Variants in KIR2DL1 observed in about 807,000 individuals in gnomAD.
KIR2DL1 encodes killer cell immunoglobulin like receptor, two Ig domains and long cytoplasmic tail 1.
In KIR2DL1, 38 loss-of-function variants were observed where a neutral mutation model predicts 33.9. The observed-to-expected ratio is 1.12, with a 90% CI of 0.86 to 1.47. The LOEUF (loss-of-function observed/expected upper bound fraction) is 1.47. Ranked by LOEUF, KIR2DL1 falls within the 40% of genes most tolerant of loss-of-function variation. The probability of loss-of-function intolerance (pLI) is 0.00; values close to 1 mark genes in which losing one functional copy is unlikely to be tolerated. For missense variants in KIR2DL1, 531 were observed against 433.9 expected, an observed-to-expected ratio of 1.22 and a Z score of -1.99; for synonymous variants, 179 against 165.9, an observed-to-expected ratio of 1.08 and a Z score of -0.61.
Position 54,775,105 on chromosome 19 carries a change from G to T in KIR2DL1, c.371-60G>T, listed in dbSNP as rs567259893. The T allele has an allele frequency of 2.1e-5, 32 of 1,510,034 alleles. 1 individual carries two copies. In the African/African-American group the frequency reaches 4.5e-4, roughly 21 times the overall value. 93.5% of individuals were successfully genotyped at this position (1,510,034 alleles called of 1,614,324 possible). A position where few individuals can be genotyped will look rare whatever the true frequency, so the allele number is the denominator to read the frequency against. On this transcript the variant is annotated intron_variant, in intron 3 of 7. Coordinates refer to ENST00000336077, the MANE Select transcript of KIR2DL1 (RefSeq NM_014218.3). The stretch of plus-strand genomic sequence containing the variant: ...AACAGGGGAGTGAGTTCTCAGCTCA[G>T]GTGAAGGGAGCTGTGACAAAGAAGA...
chr19:54,775,833 C>G (rs1288876092), intron 4 of KIR2DL1, among the ~76,000 whole-genome samples: 3 of 149,012 alleles, frequency 2.0e-5, no homozygotes, highest in African/African-American at 7.3e-5. Context: ...ACCCCTACAC[C>G]CTTTACTTTT....
At chr19:54,780,881 C>T (rs1373483879) in intron 5 of KIR2DL1, among the ~76,000 whole-genome samples, 5 of 107,334 alleles carry the variant, frequency 4.7e-5, no homozygotes, top group East Asian at 2.3e-4. Context: ...CTTATTATAG[C>T]ATAATATACA....
chr19:54,776,865 C>T (rs2076409544), intron 4 of KIR2DL1, among the ~76,000 whole-genome samples: 1 of 147,686 alleles, frequency 6.8e-6, no homozygotes, highest in Non-Finnish European at 1.5e-5. Flanking sequence ...TGCTCTCAAA[C>T]TCATGACCTC....
At chr19:54,782,657 C>A (rs1455982067) in intron 5 of KIR2DL1, among the ~76,000 whole-genome samples, 2 of 152,088 alleles carry the variant, frequency 1.3e-5, no homozygotes, top group East Asian at 3.9e-4. Context: ...TCAAGAGGCC[C>A]AACCTCCCAC....
chr19:54,769,886 T>A lies in KIR2DL1; in HGVS notation c.34+2T>A, dbSNP rs1241641432. ...TGGTCGTCAGCATGGCGTGTGTTGG[T>A]GAGTCCTGGAAAGCAATAGAGGGAG... On this transcript the variant is annotated splice_donor_variant, in intron 1 of 7. Transcript: ENST00000336077. LOFTEE classifies it high-confidence loss of function. 2 of 1,567,950 alleles carry A rather than the reference T, an allele frequency of 1.3e-6. 1 individual carries two copies. Among genetic ancestry groups the A allele is most frequent in the Non-Finnish European group, 1.7e-6 (2 of 1,146,064 alleles).
chr19:54,773,282 G>C lies in KIR2DL1; in HGVS notation c.71-51G>C, dbSNP rs769165158. ...AGCCTGACTCAATCCAGGTGCCATG[G>C]ATGGGATGATAAAGAGAGACACCTT... On this transcript the variant is annotated intron_variant, in intron 2 of 7. Coordinates refer to ENST00000336077, the MANE Select transcript of KIR2DL1 (RefSeq NM_014218.3). 50 of 1,526,962 alleles carry C rather than the reference G, an allele frequency of 3.3e-5. 4 individuals carry two copies. The highest frequency in any genetic ancestry group is 5.5e-5 in the African/African-American group (4 of 72,082). The allele number at this position is 1,526,962 out of a possible 1,614,324, so 94.6% of individuals were successfully genotyped here. A position where few individuals can be genotyped will look rare whatever the true frequency, so the allele number is the denominator to read the frequency against.
chr19:54,782,142 G>A (rs1039501058), intron 5 of KIR2DL1, among the ~76,000 whole-genome samples: 1 of 152,112 alleles, frequency 6.6e-6, no homozygotes, highest in East Asian at 1.9e-4. Flanking sequence ...GCTGCGGGAA[G>A]CCAGAAAGCA....
intron 3 of KIR2DL1, among the ~76,000 whole-genome samples, chr19:54,774,437 G>T (rs1178789052): frequency 3.4e-5 from 5 of 148,362 alleles, no homozygotes; most frequent in Non-Finnish European, 4.5e-5. Flanking sequence ...GAAAGATGGA[G>T]ATGTGGGGAT....
rs549834429 is a variant in KIR2DL1, at chr19:54,783,413, G to A, written c.818-73G>A. Reference sequence around the variant, plus strand: ...AGCCACCTATGGTCTCCCCCTGTATGTTGGTATCTGCTTATGAAATGAGGA... The same window carrying A: ...AGCCACCTATGGTCTCCCCCTGTATATTGGTATCTGCTTATGAAATGAGGA... On this transcript the variant is annotated intron_variant, in intron 6 of 7. Transcript: ENST00000336077. 124 of 1,546,030 alleles carry A rather than the reference G, an allele frequency of 8.0e-5. No individual in the cohort carries two copies. The East Asian group carries it at 2.4e-3, about 29-fold the overall frequency.
At position 54,783,508 on chromosome 19, in the gene KIR2DL1, G is replaced by C. The variant is rs543286356; in HGVS notation, c.840G>C (p.Glu280Asp). The C allele has an allele frequency of 6.2e-7, 1 of 1,613,688 alleles. No homozygotes were observed. Among genetic ancestry groups the C allele is most frequent in the African/African-American group, 1.3e-5 (1 of 74,960 alleles). ...CAGATGCTGCGGTAATGGACCAAGA[G>C]TCTGCAGGAAACAGAACAGCGAATA... ...NKKNAAVMDQ[E>D]SAGNRTANSE... Residue 280 changes from glutamate to aspartate, a missense_variant, in exon 7 of 8, where the codon GAG (glutamate) becomes GAC (aspartate). Glu to Asp is a conservative substitution (Grantham distance 45). Coordinates refer to ENST00000336077, the MANE Select transcript of KIR2DL1 (RefSeq NM_014218.3).
intron 5 of KIR2DL1, 147 bp downstream of exon 5, chr19:54,778,809 G>A (rs1261421269): frequency 2.8e-6 from 3 of 1,089,442 alleles, no homozygotes; most frequent in African/African-American, 1.6e-5. Flanking sequence ...TACAGCGAAA[G>A]GGATCTGGGC....
In KIR2DL1 at chr19:54,769,831, C is replaced by T. The variant is rs760980741; in HGVS notation, c.-20C>T. The T allele has an allele frequency of 6.4e-7, 1 of 1,569,176 alleles. No individual in the cohort carries two copies. Among genetic ancestry groups the T allele is most frequent in the South Asian group, 1.1e-5 (1 of 89,332 alleles). ...CTGAGCTGAGCTCGGTCGCGGCTGC[C>T]TGTCTGCTCCGGCAGCACCATGTCG... On this transcript the variant is annotated 5_prime_UTR_variant, in exon 1 of 8. Transcript: ENST00000336077.
chr19:54,776,771 G>T (rs1232144378), intron 4 of KIR2DL1, among the ~76,000 whole-genome samples: 1 of 146,208 alleles, frequency 6.8e-6, no homozygotes, highest in Non-Finnish European at 1.5e-5. Flanking sequence ...CTCCCTAGTA[G>T]CTGGGATTAC....
At chr19:54,774,252 G>C (rs2076079339) in intron 3 of KIR2DL1, among the ~76,000 whole-genome samples, 1 of 148,336 alleles carries the variant, frequency 6.7e-6, no homozygotes, top group South Asian at 2.1e-4. Context: ...AGAGAAATCA[G>C]GGACACCAAA....
intron 6 of KIR2DL1, 39 bp downstream of exon 6, chr19:54,783,062 A>G: frequency 1.3e-6 from 2 of 1,596,886 alleles, no homozygotes; most frequent in Admixed American, 1.7e-5. Flanking sequence ...GCTCAGGGCC[A>G]TGTGGGGAAG....
chr19:54,784,246 CA>C lies in KIR2DL1; in HGVS notation c.*434del. ...CTCAGACTAGCTTTCAGTCTTCTGTCAGCAGTAAAACTTATATATTTTTTAA... is the reference window on the plus strand; with the variant it reads ...CTCAGACTAGCTTTCAGTCTTCTGTCGCAGTAAAACTTATATATTTTTTAA... On this transcript the variant is annotated 3_prime_UTR_variant, in exon 8 of 8. Transcript: ENST00000336077. 1 of 294,474 alleles carries C rather than the reference CA, an allele frequency of 3.4e-6. No individual in the cohort carries two copies. The allele number at this position is 294,474 out of a possible 1,614,324, so 18.2% of individuals were successfully genotyped here. A position where few individuals can be genotyped will look rare whatever the true frequency, so the allele number is the denominator to read the frequency against.
chr19:54,774,783 T>C (rs1365672909), intron 3 of KIR2DL1, among the ~76,000 whole-genome samples: 8 of 147,980 alleles, frequency 5.4e-5, no homozygotes, highest in African/African-American at 1.7e-4. Flanking sequence ...AGGTAGAGAA[T>C]TTGTAGATAG....
chr19:54,783,842 T>G lies in KIR2DL1; in HGVS notation c.*29T>G. The stretch of plus-strand genomic sequence containing the variant: ...CCACAGTCAGGCCTTGAGGGCGTCT[T>G]CTAGGGAGACAACAGCCCTGTCTCA... On this transcript the variant is annotated 3_prime_UTR_variant, in exon 8 of 8. Transcript: ENST00000336077. 3.1e-6 allele frequency: 5 copies of G among 1,613,846 alleles called. No individual in the cohort carries two copies. The highest frequency in any genetic ancestry group is 4.2e-6 in the Non-Finnish European group (5 of 1,179,880).
At chr19:54,771,999 TG>T (rs1281785613) in intron 2 of KIR2DL1, among the ~76,000 whole-genome samples, 1 of 147,836 alleles carries the variant, frequency 6.8e-6, no homozygotes, top group African/African-American at 2.5e-5. Flanking sequence ...TGACTGTATT[TG>T]GGGTAAAGGG....
Sources: allele counts gnomAD v4.1 joint callset (sites outside exome capture counted in the v4.1 genomes callset), GRCh38; gene constraint gnomAD v4.1.1; transcripts MANE v1.5; gene names NCBI Gene and HGNC (gene_info 2026-07-23, HGNC 2026-07-21).